The following PDE4B variants were observed in gnomAD, a reference collection of about 807,000 sequenced individuals.
PDE4B encodes the protein 3',5'-cyclic-AMP phosphodiesterase 4B.
In PDE4B, 20 loss-of-function variants were observed where a neutral mutation model predicts 82.2. The ratio of observed to expected loss-of-function variants is 0.24; its 90% CI spans 0.17 to 0.35. The LOEUF is 0.35. Ranked by LOEUF, PDE4B falls within the 10% of genes least tolerant of loss-of-function variation. PDE4B has a pLI of 1.00. For missense variants in PDE4B, 655 were observed against 907.2 expected (o/e 0.72, Z 3.57); for synonymous variants, 320 against 318.9 (o/e 1.00, Z -0.04).
At chr1:66,259,981 G>T (rs762016732) in intron 6 of PDE4B, among the ~76,000 whole-genome samples, 49 of 152,102 alleles carry the variant, frequency 3.2e-4, no homozygotes, top group Non-Finnish European at 6.0e-4. Context: ...TTGTTATGAG[G>T]ATTAAATGAA....
intron 13 of PDE4B, 24 bp downstream of exon 13, chr1:66,365,790 A>T (rs1463463836): frequency 1.5e-6 from 2 of 1,297,972 alleles, no homozygotes; most frequent in East Asian, 4.7e-5. Context: ...TACAGCAGTC[A>T]TTCCAGATAA....
At chr1:66,082,103 G>A (rs908976831) in intron 3 of PDE4B, among the ~76,000 whole-genome samples, 4 of 152,044 alleles carry the variant, frequency 2.6e-5, no homozygotes, top group African/African-American at 9.7e-5. Context: ...TTAAAACAAA[G>A]GAATATGATA....
intron 7 of PDE4B, among the ~76,000 whole-genome samples, chr1:66,313,163 T>G (rs894180618): frequency 6.6e-6 from 1 of 152,214 alleles, no homozygotes; most frequent in Admixed American, 6.5e-5. Flanking sequence ...AAAATGCACT[T>G]ACCTTCTTTC....
intron 3 of PDE4B, among the ~76,000 whole-genome samples, chr1:66,114,632 ATTTTTT>A (rs139293880): frequency 7.6e-6 from 1 of 132,376 alleles, no homozygotes; most frequent in African/African-American, 2.9e-5. Flanking sequence ...GTAGCCCACA[ATTTTTT>A]TTTTTTTTTT....
chr1:66,199,879 G>T (rs1363834392), intron 3 of PDE4B, among the ~76,000 whole-genome samples: 10 of 152,188 alleles, frequency 6.6e-5, no homozygotes, highest in Admixed American at 5.9e-4. Flanking sequence ...TTTGGCTTTT[G>T]TTGCCATTGC....
rs974521630 is a variant in PDE4B, at chr1:66,040,392, A to G, written c.281+121557A>G. On this transcript the variant is annotated intron_variant, in intron 3 of 16. Transcript: ENST00000341517. ...GAAGAAGGGGGCTGGAGGCACAAAT[A>G]CATGTTTCTTCCCACTCCCAAAGAG... Among the ~76,000 whole-genome samples, 5 of 152,018 alleles carry G rather than the reference A, an allele frequency of 3.3e-5. No individual in the cohort carries two copies. The East Asian group carries it at 9.6e-4, about 29-fold the overall frequency.
At chr1:66,303,802 A>G (rs2101845453) in intron 7 of PDE4B, among the ~76,000 whole-genome samples, 1 of 152,168 alleles carries the variant, frequency 6.6e-6, no homozygotes, top group East Asian at 1.9e-4. Flanking sequence ...AAACTTAACC[A>G]TGACACTTGG....
chr1:66,166,632 G>A (rs945570386), intron 3 of PDE4B, among the ~76,000 whole-genome samples: 3 of 151,812 alleles, frequency 2.0e-5, no homozygotes, highest in Non-Finnish European at 4.4e-5. Context: ...TACTCAGGAG[G>A]CTGAGGCAGG....
intron 8 of PDE4B, among the ~76,000 whole-genome samples, 177 bp downstream of exon 8, chr1:66,332,797 C>T (rs189862443): frequency 2.0e-5 from 3 of 152,320 alleles, no homozygotes; most frequent in Admixed American, 6.5e-5. Context: ...CTTGATGCTA[C>T]AGCAAAAGTT....
At chr1:65,792,788 C>G (rs1482353568), upstream of PDE4B, among the ~76,000 whole-genome samples, 1 of 151,798 alleles carries the variant, frequency 6.6e-6, no homozygotes, top group Non-Finnish European at 1.5e-5. Context: ...ATTGTTATTC[C>G]CCGCACCCGG....
intron 3 of PDE4B, among the ~76,000 whole-genome samples, chr1:65,994,172 T>C (rs1557483501): frequency 6.6e-6 from 1 of 152,198 alleles, no homozygotes; most frequent in Non-Finnish European, 1.5e-5. Flanking sequence ...TGAGGAGATC[T>C]GATTTTTAAA....
chr1:66,094,025 C>A (rs1645071895), intron 3 of PDE4B, among the ~76,000 whole-genome samples: 1 of 151,964 alleles, frequency 6.6e-6, no homozygotes, highest in South Asian at 2.1e-4. Flanking sequence ...GGGAAATAGA[C>A]AAAAACACAT....
At chr1:66,150,142 C>T (rs530270296) in intron 3 of PDE4B, among the ~76,000 whole-genome samples, 3 of 152,212 alleles carry the variant, frequency 2.0e-5, no homozygotes, top group South Asian at 2.1e-4. Flanking sequence ...ATCACACTGT[C>T]TTATAACTAA....
chr1:65,992,275 G>A (rs1651284251), intron 3 of PDE4B: 1 of 152,112 alleles, frequency 6.6e-6, no homozygotes, highest in African/African-American at 2.4e-5. Flanking sequence ...CAAATTTTGT[G>A]GAAATCTAAA....
At chr1:65,987,009 G>C (rs1650989533) in intron 3 of PDE4B, among the ~76,000 whole-genome samples, 1 of 152,158 alleles carries the variant, frequency 6.6e-6, no homozygotes, top group African/African-American at 2.4e-5. Flanking sequence ...GGCCAGTGTG[G>C]CTGAAGAAGA....
intron 1 of PDE4B, among the ~76,000 whole-genome samples, chr1:65,875,985 T>G (rs1646637644): frequency 6.6e-6 from 1 of 152,102 alleles, no homozygotes; most frequent in Non-Finnish European, 1.5e-5. Context: ...AAGAAAGATT[T>G]TTTTCTTCAT....
intron 3 of PDE4B, among the ~76,000 whole-genome samples, chr1:65,946,689 A>G (rs1303497474): frequency 6.6e-6 from 1 of 152,000 alleles, no homozygotes; most frequent in Non-Finnish European, 1.5e-5. Context: ...TGTATAAAAC[A>G]CATTTTGCTA....
intron 3 of PDE4B, among the ~76,000 whole-genome samples, chr1:65,984,164 C>T (rs1650833268): frequency 6.6e-6 from 1 of 152,180 alleles, no homozygotes; most frequent in African/African-American, 2.4e-5. Context: ...AATTAATGAA[C>T]TATTAATAAA....
At chr1:66,290,036 T>C (rs1656956652) in intron 7 of PDE4B, among the ~76,000 whole-genome samples, 1 of 152,130 alleles carries the variant, frequency 6.6e-6, no homozygotes, top group South Asian at 2.1e-4. Context: ...GTTGAAAATG[T>C]TAAAAGAGGG....
Sources: allele counts gnomAD v4.1 joint callset (sites outside exome capture counted in the v4.1 genomes callset), GRCh38; gene constraint gnomAD v4.1.1; transcripts MANE v1.5; gene names NCBI Gene and HGNC (gene_info 2026-07-23, HGNC 2026-07-21).